The following SLC24A2 variants were observed in gnomAD, a reference collection of about 807,000 sequenced individuals.
SLC24A2 encodes solute carrier family 24 member 2, also known as sodium/potassium/calcium exchanger 2.
A neutral mutation model predicts 62.0 loss-of-function variants in SLC24A2; 36 were observed. That is an observed-to-expected ratio of 0.58 (90% CI 0.44 to 0.77). The LOEUF is 0.77. Among genes scored for constraint, SLC24A2 ranks in the 30% least tolerant of loss-of-function variants. SLC24A2 has a pLI of 0.00. For synonymous variants in SLC24A2, 358 were observed against 294.0 expected, an observed-to-expected ratio of 1.22 and a Z score of -2.23; for missense variants, 846 against 817.9, an observed-to-expected ratio of 1.03 and a Z score of -0.42.
intron 2 of SLC24A2, among the ~76,000 whole-genome samples, chr9:19,657,934 T>C (rs1818988040): frequency 6.6e-6 from 1 of 152,178 alleles, no homozygotes; most frequent in Non-Finnish European, 1.5e-5. Context: ...CTCACTATGT[T>C]GCCCAGGCTG....
At chr9:20,076,588 G>A in the SLC24A2 span, among the ~76,000 whole-genome samples, 2 of 152,206 alleles carry the variant, frequency 1.3e-5, no homozygotes, top group Admixed American at 6.5e-5. Flanking sequence ...ACACCTTGAT[G>A]TAAGCCTCCA....
At chr9:19,559,824 A>T (rs1368508290) in intron 7 of SLC24A2, among the ~76,000 whole-genome samples, 1 of 152,210 alleles carries the variant, frequency 6.6e-6, no homozygotes, top group Non-Finnish European at 1.5e-5. Context: ...ATATTGCCTA[A>T]TTAGTGGGAT....
chr9:19,697,219 A>G (rs1820219012), intron 2 of SLC24A2, among the ~76,000 whole-genome samples: 1 of 152,210 alleles, frequency 6.6e-6, no homozygotes, highest in East Asian at 1.9e-4. Flanking sequence ...AATTATTTTA[A>G]AAATATCTTT....
chr9:20,200,127 C>T, the SLC24A2 span, among the ~76,000 whole-genome samples: 16 of 151,970 alleles, frequency 1.1e-4, no homozygotes, highest in Admixed American at 7.2e-4. Flanking sequence ...CCGGTTAACA[C>T]TGACACATAC....
At chr9:20,060,812 T>C in the SLC24A2 span, among the ~76,000 whole-genome samples, 1 of 152,204 alleles carries the variant, frequency 6.6e-6, no homozygotes, top group Admixed American at 6.5e-5. Flanking sequence ...ACACACAATG[T>C]GGAGCTACTA....
At chr9:19,517,652 G>A (rs1832994455) in intron 10 of SLC24A2, among the ~76,000 whole-genome samples, 3 of 152,180 alleles carry the variant, frequency 2.0e-5, no homozygotes. Context: ...GCCCAGTAGA[G>A]TCTGGCCAGG....
the SLC24A2 span, among the ~76,000 whole-genome samples, chr9:19,826,917 G>C: frequency 1.3e-5 from 2 of 152,058 alleles, no homozygotes; most frequent in African/African-American, 4.8e-5. Context: ...TGAGTCCTGG[G>C]AGCAGTTTGT....
chr9:20,294,395 A>C, the SLC24A2 span, among the ~76,000 whole-genome samples: 1 of 151,932 alleles, frequency 6.6e-6, no homozygotes, highest in East Asian at 1.9e-4. Context: ...TTGCTTCCCA[A>C]CTCCCCATGA....
At chr9:19,639,860 G>A (rs1208154711) in intron 2 of SLC24A2, among the ~76,000 whole-genome samples, 1 of 152,146 alleles carries the variant, frequency 6.6e-6, no homozygotes, top group African/African-American at 2.4e-5. Context: ...TGAAACATAA[G>A]GCATAGTAGA....
chr9:20,302,308 T>C, the SLC24A2 span, among the ~76,000 whole-genome samples: 1 of 152,326 alleles, frequency 6.6e-6, no homozygotes, highest in Middle Eastern at 3.4e-3. Context: ...TGGCAAACCG[T>C]CTTCCCAAAT....
chr9:20,249,566 G>A, the SLC24A2 span, among the ~76,000 whole-genome samples: 105 of 152,002 alleles, frequency 6.9e-4, 1 homozygote, highest in African/African-American at 2.3e-3. Context: ...AGTAGCTGAC[G>A]TGGTGGCGGG....
the SLC24A2 span, among the ~76,000 whole-genome samples, chr9:20,218,422 C>T: frequency 6.6e-6 from 1 of 152,068 alleles, no homozygotes; most frequent in Admixed American, 6.5e-5. Flanking sequence ...ACACTTTCAC[C>T]ACCACCACAA....
the SLC24A2 span, among the ~76,000 whole-genome samples, chr9:20,241,475 T>A: frequency 4.6e-5 from 7 of 152,194 alleles, no homozygotes; most frequent in African/African-American, 1.7e-4. Context: ...AATCCCTCTA[T>A]GCCTAGACCT....
intron 2 of SLC24A2, among the ~76,000 whole-genome samples, chr9:19,754,715 C>G (rs1315546335): frequency 1.3e-5 from 2 of 151,524 alleles, no homozygotes; most frequent in Non-Finnish European, 2.9e-5. Context: ...TGGCAGGGCC[C>G]TGGTGGTGGT....
At chr9:20,010,223 A>G in the SLC24A2 span, among the ~76,000 whole-genome samples, 7 of 152,128 alleles carry the variant, frequency 4.6e-5, no homozygotes, top group African/African-American at 1.7e-4. Context: ...CTCATCCACA[A>G]TCCCAGGCTA....
chr9:19,957,384 T>A, the SLC24A2 span: 1 of 152,298 alleles, frequency 6.6e-6, no homozygotes, highest in African/African-American at 2.4e-5. Context: ...TCCAGCAGGT[T>A]CAAGCACATT....
chr9:19,558,039 G>C (rs896915799), intron 7 of SLC24A2, among the ~76,000 whole-genome samples: 4 of 152,138 alleles, frequency 2.6e-5, no homozygotes, highest in African/African-American at 9.7e-5. Flanking sequence ...GCTGACTCAA[G>C]TGATCCTCCT....
chr9:19,792,863 C>G (rs1001102738), upstream of SLC24A2, among the ~76,000 whole-genome samples: 1 of 152,196 alleles, frequency 6.6e-6, no homozygotes, highest in African/African-American at 2.4e-5. Context: ...TCTAGCTTCT[C>G]TGTTATTAAA....
the SLC24A2 span, among the ~76,000 whole-genome samples, chr9:19,911,072 C>A: frequency 2.7e-5 from 3 of 110,646 alleles, no homozygotes; most frequent in South Asian, 1.1e-3. Context: ...CCCCCCTCCC[C>A]CCACCCCACA....
Sources: allele counts gnomAD v4.1 joint callset (sites outside exome capture counted in the v4.1 genomes callset), GRCh38; gene constraint gnomAD v4.1.1; transcripts MANE v1.5; gene names NCBI Gene and HGNC (gene_info 2026-07-23, HGNC 2026-07-21).